Variants in ANKS1B observed in about 807,000 individuals in gnomAD.
ANKS1B encodes the protein ankyrin repeat and sterile alpha motif domain containing 1B.
A neutral mutation model predicts 148.3 loss-of-function variants in ANKS1B; 36 were observed. That is an observed-to-expected ratio of 0.24 (90% CI 0.19 to 0.32). The LOEUF (loss-of-function observed/expected upper bound fraction) is 0.32. Ranked by LOEUF, ANKS1B falls within the 10% of genes least tolerant of loss-of-function variation. The probability of loss-of-function intolerance (pLI) is 1.00; values close to 1 mark genes in which losing one functional copy is unlikely to be tolerated. For missense variants in ANKS1B, 1,157 were observed against 1,542.6 expected, an observed-to-expected ratio of 0.75 and a Z score of 4.19; for synonymous variants, 542 against 560.8, an observed-to-expected ratio of 0.97 and a Z score of 0.47.
At chr12:99,633,681 C>T (rs1369656542) in intron 9 of ANKS1B, among the ~76,000 whole-genome samples, 1 of 152,120 alleles carries the variant, frequency 6.6e-6, no homozygotes, top group Non-Finnish European at 1.5e-5. Flanking sequence ...AAAGAAACTA[C>T]CATCAGAGTG....
chr12:99,845,523 T>G (rs1004083927), intron 1 of ANKS1B, among the ~76,000 whole-genome samples: 4 of 152,178 alleles, frequency 2.6e-5, no homozygotes, highest in African/African-American at 9.7e-5. Context: ...ATGACTTAGT[T>G]TATTGATGTG....
At chr12:99,588,142 G>GA (rs60518350) in intron 9 of ANKS1B, among the ~76,000 whole-genome samples, 421 of 145,214 alleles carry the variant, frequency 2.9e-3, no homozygotes, top group African/African-American at 6.5e-3. Flanking sequence ...TCTGGAAACA[G>GA]AAAAAAAAAA....
At chr12:98,909,716 C>T (rs936334505) in intron 17 of ANKS1B, among the ~76,000 whole-genome samples, 1 of 152,204 alleles carries the variant, frequency 6.6e-6, no homozygotes, top group African/African-American at 2.4e-5. Context: ...TGATATTAGT[C>T]ATTGTACTGT....
intron 14 of ANKS1B, among the ~76,000 whole-genome samples, chr12:99,178,691 A>G (rs2078715075): frequency 6.6e-6 from 1 of 152,330 alleles, no homozygotes; most frequent in Non-Finnish European, 1.5e-5. Flanking sequence ...TTTATATCAA[A>G]TATGGTTTCA....
rs539381601 is a variant in ANKS1B at position 99,458,084 on chromosome 12, A to T, written c.1439-14275T>A. Among the ~76,000 whole-genome samples the T allele has an allele frequency of 3.1e-4, 47 of 152,276 alleles. 1 individual carries two copies. The South Asian group carries it at 6.4e-3, about 21-fold the overall frequency. The stretch of plus-strand genomic sequence containing the variant: ...AAAATCATAGCAAGTACTCTCTCAG[A>T]GCACAGTGGAATAAAATTGGAACTC... On this transcript the variant is annotated intron_variant, in intron 10 of 26. Coordinates refer to ENST00000683438, the MANE Select transcript of ANKS1B (RefSeq NM_001352186.2).
chr12:99,632,496 T>G (rs899227224), intron 9 of ANKS1B, among the ~76,000 whole-genome samples: 5 of 151,652 alleles, frequency 3.3e-5, no homozygotes, highest in Non-Finnish European at 5.9e-5. Flanking sequence ...GCTGCCAGCA[T>G]GCAATCCTAG....
At chr12:99,914,206 C>G (rs2094098884) in intron 1 of ANKS1B, among the ~76,000 whole-genome samples, 1 of 152,186 alleles carries the variant, frequency 6.6e-6, no homozygotes, top group African/African-American at 2.4e-5. Flanking sequence ...CACTAGAAAG[C>G]AGACCTTCAG....
At chr12:98,865,593 A>G (rs201388) in intron 17 of ANKS1B, among the ~76,000 whole-genome samples, 48,173 of 152,040 alleles carry the variant, frequency 0.32, 8,115 homozygotes, top group East Asian at 0.6. Context: ...GAAAGTGAAT[A>G]AACGAGACAG....
chr12:99,387,340 G>C (rs969119453), intron 12 of ANKS1B, among the ~76,000 whole-genome samples: 1 of 152,156 alleles, frequency 6.6e-6, no homozygotes, highest in Non-Finnish European at 1.5e-5. Context: ...AAGCCTGGCC[G>C]GGCGCGGTGG....
intron 17 of ANKS1B, among the ~76,000 whole-genome samples, chr12:98,853,527 C>G (rs537230923): frequency 6.6e-5 from 10 of 152,192 alleles, no homozygotes; most frequent in African/African-American, 2.2e-4. Context: ...TATGTAACTA[C>G]AAGAACTTTC....
At chr12:99,354,286 C>G (rs866769019) in intron 12 of ANKS1B, among the ~76,000 whole-genome samples, 2 of 151,996 alleles carry the variant, frequency 1.3e-5, no homozygotes, top group Non-Finnish European at 1.5e-5. Flanking sequence ...TTCCTGGGTT[C>G]TACTCCACAT....
intron 22 of ANKS1B, 59 bp from the exon 23 acceptor site, chr12:98,782,196 G>T (rs776958020): frequency 4.2e-6 from 6 of 1,416,588 alleles, no homozygotes; most frequent in Non-Finnish European, 5.9e-6. Context: ...ACATATAAAA[G>T]GTGAGAGAGA....
chr12:99,594,245 C>T (rs542640625), intron 9 of ANKS1B, among the ~76,000 whole-genome samples: 38 of 152,056 alleles, frequency 2.5e-4, no homozygotes, highest in African/African-American at 7.5e-4. Flanking sequence ...TTGGAAACTT[C>T]GTGTACTGTT....
intron 10 of ANKS1B, among the ~76,000 whole-genome samples, chr12:99,454,265 T>C (rs1386490181): frequency 6.6e-6 from 1 of 152,238 alleles, no homozygotes. Flanking sequence ...GTCAGCCACA[T>C]TGCATTTCTA....
chr12:98,876,443 T>TG (rs1344715198), intron 17 of ANKS1B, among the ~76,000 whole-genome samples: 5 of 152,226 alleles, frequency 3.3e-5, no homozygotes, highest in Non-Finnish European at 7.3e-5. Context: ...CCTTGTAATC[T>TG]ATCAATTAAT....
intron 8 of ANKS1B, among the ~76,000 whole-genome samples, chr12:99,674,118 A>G (rs933061694): frequency 6.6e-6 from 1 of 152,030 alleles, no homozygotes; most frequent in Middle Eastern, 3.4e-3. Flanking sequence ...AATACATGTC[A>G]AGAGACAAAG....
At chr12:99,915,557 GT>G (rs1382135654) in intron 1 of ANKS1B, among the ~76,000 whole-genome samples, 1 of 152,196 alleles carries the variant, frequency 6.6e-6, no homozygotes, top group African/African-American at 2.4e-5. Flanking sequence ...GGCATCAGAG[GT>G]GGCACTTAGC....
chr12:99,015,521 AAAAT>A (rs1422091180), intron 17 of ANKS1B, among the ~76,000 whole-genome samples: 1 of 152,186 alleles, frequency 6.6e-6, no homozygotes, highest in Non-Finnish European at 1.5e-5. Context: ...AAAATAAAAT[AAAAT>A]AAAAAGAACT....
Position 99,177,550 on chromosome 12 carries a change from C to T in ANKS1B, c.2420-23155G>A, listed in dbSNP as rs912106156. 3.3e-5 allele frequency among the ~76,000 whole-genome samples: 5 copies of T among 152,194 alleles called. No individual in the cohort carries two copies. In the South Asian group the frequency reaches 6.2e-4, roughly 19 times the overall value. On this transcript the variant is annotated intron_variant, in intron 14 of 26. Transcript: ENST00000683438. ...ATAACAGAATGGTAAGAAATTCACTCCTTGAAAACAGCAGGGACACAAGCT... is the reference window on the plus strand; with the variant it reads ...ATAACAGAATGGTAAGAAATTCACTTCTTGAAAACAGCAGGGACACAAGCT...
Sources: allele counts gnomAD v4.1 joint callset (sites outside exome capture counted in the v4.1 genomes callset), GRCh38; gene constraint gnomAD v4.1.1; transcripts MANE v1.5; gene names NCBI Gene and HGNC (gene_info 2026-07-23, HGNC 2026-07-21).